The following COL4A2 variants were observed in gnomAD, a reference collection of about 807,000 sequenced individuals.
The protein encoded by COL4A2 is collagen alpha-2(IV) chain.
COL4A2 carries 99 observed loss-of-function variants against 200.2 expected under a neutral mutation model. The observed-to-expected ratio is 0.49, with a 90% CI of 0.42 to 0.58. The LOEUF (loss-of-function observed/expected upper bound fraction) is 0.58, where lower values mean the gene tolerates loss of function less well. Ranked by LOEUF, COL4A2 falls within the 20% of genes least tolerant of loss-of-function variation. The probability of loss-of-function intolerance (pLI) is 0.00; values close to 1 mark genes in which losing one functional copy is unlikely to be tolerated. For synonymous variants in COL4A2, 897 were observed against 900.6 expected (o/e 1.00, Z 0.07); for missense variants, 1,950 against 2,314.1 (o/e 0.84, Z 3.23).
At chr13:110,321,150 CAT>C (rs1285678850) in intron 3 of COL4A2, among the ~76,000 whole-genome samples, 1 of 151,390 alleles carries the variant, frequency 6.6e-6, no homozygotes, top group Non-Finnish European at 1.5e-5. Flanking sequence ...CATCAGGTCT[CAT>C]ATATGTGCGT....
intron 39 of COL4A2, among the ~76,000 whole-genome samples, chr13:110,493,979 A>G (rs1594107746): frequency 6.6e-6 from 1 of 152,316 alleles, no homozygotes; most frequent in African/African-American, 2.4e-5. Context: ...TCCAAATGCC[A>G]TCACACTGGA....
intron 20 of COL4A2, among the ~76,000 whole-genome samples, chr13:110,450,959 A>G (rs1881520891): frequency 6.6e-6 from 1 of 152,230 alleles, no homozygotes; most frequent in Non-Finnish European, 1.5e-5. Flanking sequence ...AGGTGAGAGT[A>G]GCTGGTGACA....
At chr13:110,356,169 T>C (rs999734936) in intron 3 of COL4A2, among the ~76,000 whole-genome samples, 1 of 152,184 alleles carries the variant, frequency 6.6e-6, no homozygotes, top group African/African-American at 2.4e-5. Flanking sequence ...CCCATCGGGA[T>C]TGCCCATCCA....
At chr13:110,444,540 A>G (rs552716912) in intron 16 of COL4A2, among the ~76,000 whole-genome samples, 1 of 152,370 alleles carries the variant, frequency 6.6e-6, no homozygotes, top group East Asian at 1.9e-4. Flanking sequence ...TCCAAACCAC[A>G]GGACCACAAC....
At chr13:110,407,690 G>A (rs999580183) in intron 4 of COL4A2, among the ~76,000 whole-genome samples, 1 of 152,218 alleles carries the variant, frequency 6.6e-6, no homozygotes, top group Admixed American at 6.5e-5. Flanking sequence ...GAGGAAGTCC[G>A]ATCCAGGAAG....
intron 6 of COL4A2, among the ~76,000 whole-genome samples, chr13:110,426,862 T>C (rs1055251863): frequency 2.0e-5 from 3 of 152,176 alleles, no homozygotes; most frequent in Admixed American, 6.5e-5. Flanking sequence ...TTTCTCAAGC[T>C]GAAGTGCAAG....
chr13:110,357,668 A>C (rs1361103109), intron 4 of COL4A2, 116 bp downstream of exon 4: 55 of 1,438,042 alleles, frequency 3.8e-5, no homozygotes, highest in East Asian at 2.5e-5. Flanking sequence ...TTGCTTGAAC[A>C]TACTGGAGAG....
At chr13:110,479,051 G>C (rs1217670530) in intron 30 of COL4A2, among the ~76,000 whole-genome samples, 1 of 152,200 alleles carries the variant, frequency 6.6e-6, no homozygotes, top group Non-Finnish European at 1.5e-5. Context: ...CTGGACTCAG[G>C]TAGGGCCCGC....
intron 29 of COL4A2, among the ~76,000 whole-genome samples, chr13:110,474,307 C>T (rs1285422069): frequency 6.6e-6 from 1 of 152,222 alleles, no homozygotes; most frequent in African/African-American, 2.4e-5. Context: ...ATCAGGCATC[C>T]TAAGCGAGAT....
intron 4 of COL4A2, among the ~76,000 whole-genome samples, chr13:110,377,188 T>C (rs901936870): frequency 1.3e-5 from 2 of 152,190 alleles, no homozygotes. Context: ...AGCATTCTGC[T>C]CATGGTCACC....
At position 110,503,397 on chromosome 13, in the gene COL4A2, C is replaced by T; in HGVS notation, c.4054C>T (p.Gln1352Ter). ...LPGEKGPRGEQGFMGNTGPTG... is the reference protein window; with the variant it reads ...LPGEKGPRGE ...TTGTGTTGCAGGGCCCAGGGGTGAA[C>T]AAGGCTTCATGGGGAACACTGGACC... is the stretch of plus-strand genomic sequence containing the variant. The change falls in exon 43 of 48, where the codon CAA (glutamine) becomes TAA (stop). Residue 1352 changes from glutamine to a stop codon, truncating the protein, a stop_gained. Coordinates refer to ENST00000360467, the MANE Select transcript of COL4A2 (RefSeq NM_001846.4). LOFTEE classifies it high-confidence loss of function. The T allele has an allele frequency of 6.3e-7, 1 of 1,598,878 alleles. No homozygotes were observed. The highest frequency in any genetic ancestry group is 8.5e-7 in the Non-Finnish European group (1 of 1,172,614).
intron 20 of COL4A2, chr13:110,456,405 CT>C (rs906059216): frequency 9.0e-5 from 25 of 278,466 alleles, no homozygotes; most frequent in East Asian, 2.1e-4. Context: ...CTGAGTTCAT[CT>C]TTTTTTTAGT....
chr13:110,335,411 A>G (rs1876132478), intron 3 of COL4A2, among the ~76,000 whole-genome samples: 1 of 151,982 alleles, frequency 6.6e-6, no homozygotes, highest in Non-Finnish European at 1.5e-5. Context: ...GTCTCATGAG[A>G]TCTGATGGTT....
chr13:110,314,878 C>T (rs1885091428), intron 3 of COL4A2, among the ~76,000 whole-genome samples: 1 of 152,212 alleles, frequency 6.6e-6, no homozygotes, highest in Non-Finnish European at 1.5e-5. Context: ...TGGTGGAGGA[C>T]TTAGGCCTCC....
At chr13:110,441,102 G>A (rs1235862238) in intron 16 of COL4A2, among the ~76,000 whole-genome samples, 6 of 152,208 alleles carry the variant, frequency 3.9e-5, no homozygotes, top group Non-Finnish European at 8.8e-5. Context: ...CCATGGGCTA[G>A]TATGTCCATC....
intron 4 of COL4A2, among the ~76,000 whole-genome samples, chr13:110,370,953 T>C (rs149121230): frequency 1.2e-3 from 177 of 152,334 alleles, no homozygotes; most frequent in African/African-American, 4.1e-3. Flanking sequence ...CTGAGGAAGT[T>C]AACAAAAAGA....
At chr13:110,429,025 TG>T (rs1488596528) in intron 7 of COL4A2, 3 of 154,492 alleles carry the variant, frequency 1.9e-5, no homozygotes, top group Non-Finnish European at 4.3e-5. Flanking sequence ...ATCTGTTTTG[TG>T]GCCTCATTTA....
chr13:110,395,588 A>G (rs1223202210), intron 4 of COL4A2, among the ~76,000 whole-genome samples: 1 of 152,220 alleles, frequency 6.6e-6, no homozygotes, highest in African/African-American at 2.4e-5. Flanking sequence ...ACTGGATATA[A>G]CATTTTGTTT....
chr13:110,486,793 A>C (rs1883132569), intron 34 of COL4A2, among the ~76,000 whole-genome samples: 1 of 152,164 alleles, frequency 6.6e-6, no homozygotes, highest in Non-Finnish European at 1.5e-5. Flanking sequence ...TGGGGGTCAC[A>C]AGGTGCTCAG....
Sources: allele counts gnomAD v4.1 joint callset (sites outside exome capture counted in the v4.1 genomes callset), GRCh38; gene constraint gnomAD v4.1.1; transcripts MANE v1.5; gene names NCBI Gene and HGNC (gene_info 2026-07-23, HGNC 2026-07-21).